VIT: variants seen among roughly 807,000 people sequenced by gnomAD.
VIT encodes the protein vitrin.
In VIT, 99 loss-of-function variants were observed where a neutral mutation model predicts 78.0. The observed-to-expected ratio is 1.27, with a 90% CI of 1.08 to 1.50. The LOEUF is 1.50. VIT is among the 40% of genes most tolerant of loss of function. The pLI, the probability that VIT is intolerant of heterozygous loss-of-function variation, is 0.00. For synonymous variants in VIT, 374 were observed against 334.3 expected, an observed-to-expected ratio of 1.12 and a Z score of -1.29; for missense variants, 1,126 against 875.3, an observed-to-expected ratio of 1.29 and a Z score of -3.61.
chr2:36,791,739 C>G (rs1280562891), intron 12 of VIT, among the ~76,000 whole-genome samples: 4 of 152,224 alleles, frequency 2.6e-5, no homozygotes, highest in Non-Finnish European at 4.4e-5. Context: ...TCCCTGGAGC[C>G]TCTAGAGAGG....
intron 3 of VIT, among the ~76,000 whole-genome samples, chr2:36,730,061 T>C (rs1337033665): frequency 6.6e-6 from 1 of 152,158 alleles, no homozygotes; most frequent in Non-Finnish European, 1.5e-5. Context: ...TTTGAGAGGC[T>C]GAGGCGGGCG....
intron 3 of VIT, among the ~76,000 whole-genome samples, chr2:36,736,667 A>G (rs916827193): frequency 4.6e-5 from 7 of 152,164 alleles, no homozygotes; most frequent in African/African-American, 1.7e-4. Flanking sequence ...GTAAGCATCA[A>G]TCTTGTATAA....
chr2:36,705,619 A>G (rs1160648735), intron 1 of VIT, among the ~76,000 whole-genome samples: 3 of 152,194 alleles, frequency 2.0e-5, no homozygotes, highest in Non-Finnish European at 4.4e-5. Context: ...ACCCCACCCA[A>G]CTGCCCATGA....
At chr2:36,789,469 T>A (rs759367629) in intron 12 of VIT, among the ~76,000 whole-genome samples, 2 of 152,198 alleles carry the variant, frequency 1.3e-5, no homozygotes, top group Non-Finnish European at 2.9e-5. Context: ...GACGAATTGA[T>A]GTGTTGCACA....
chr2:36,794,119 A>G (rs1462283768), intron 12 of VIT, among the ~76,000 whole-genome samples: 1 of 152,232 alleles, frequency 6.6e-6, no homozygotes, highest in African/African-American at 2.4e-5. Context: ...CATTTCTGAC[A>G]GGTGTTTGCT....
At chr2:36,791,811 C>T (rs939431045) in intron 12 of VIT, among the ~76,000 whole-genome samples, 10 of 152,184 alleles carry the variant, frequency 6.6e-5, no homozygotes, top group East Asian at 1.9e-4. Context: ...TTGGGACCTC[C>T]GGAACTCTCA....
chr2:36,759,052 T>G lies in VIT; in HGVS notation c.487+6T>G, dbSNP rs1668946762. ...AAGTCCAGCTGCCCAAGCAGGCAAG[T>G]GCTCACGTGTGATTGAATCTAAACC... On this transcript the variant is annotated splice_donor_region_variant and intron_variant, in intron 6 of 15. Transcript: ENST00000379242. 3 of 1,614,136 alleles carry G rather than the reference T, an allele frequency of 1.9e-6. No homozygotes were observed. The highest frequency in any genetic ancestry group is 2.5e-6 in the Non-Finnish European group (3 of 1,180,024).
intron 4 of VIT, among the ~76,000 whole-genome samples, chr2:36,744,110 G>A (rs1035238129): frequency 6.6e-6 from 1 of 152,154 alleles, no homozygotes; most frequent in African/African-American, 2.4e-5. Context: ...GCCTCCAGCT[G>A]CATGCATGTT....
intron 3 of VIT, among the ~76,000 whole-genome samples, chr2:36,730,995 G>A (rs1667168527): frequency 6.6e-6 from 1 of 152,142 alleles, no homozygotes; most frequent in South Asian, 2.1e-4. Context: ...ATAGGTGAAG[G>A]GTGGGGATCC....
chr2:36,793,533 G>A (rs1176819053), intron 12 of VIT, among the ~76,000 whole-genome samples: 1 of 152,174 alleles, frequency 6.6e-6, no homozygotes, highest in South Asian at 2.1e-4. Flanking sequence ...TCTGAACCAG[G>A]TAATACCCTC....
intron 2 of VIT, among the ~76,000 whole-genome samples, chr2:36,728,915 C>T (rs567637234): frequency 2.0e-5 from 3 of 151,610 alleles, no homozygotes; most frequent in South Asian, 2.1e-4. Context: ...CAGTAATATC[C>T]TAGGCCTTCA....
chr2:36,792,453 C>T (rs11674312), intron 12 of VIT, among the ~76,000 whole-genome samples: 1 of 151,308 alleles, frequency 6.6e-6, no homozygotes, highest in Non-Finnish European at 1.5e-5. Context: ...ATACAAACGA[C>T]TGCGCTTGAC....
intron 2 of VIT, among the ~76,000 whole-genome samples, chr2:36,717,930 G>A (rs1395505355): frequency 6.6e-6 from 1 of 152,172 alleles, no homozygotes. Flanking sequence ...TCTGTTCCAT[G>A]TCTCTCTCCT....
intron 4 of VIT, among the ~76,000 whole-genome samples, chr2:36,753,399 A>G (rs1302055351): frequency 1.3e-5 from 2 of 152,212 alleles, no homozygotes; most frequent in Non-Finnish European, 2.9e-5. Context: ...TTGGCTCTCA[A>G]AAGCAGGTGT....
intron 9 of VIT, among the ~76,000 whole-genome samples, chr2:36,778,949 T>A (rs1299951313): frequency 7.9e-5 from 12 of 152,214 alleles, no homozygotes; most frequent in African/African-American, 2.9e-4. Flanking sequence ...TTCTGTCTTA[T>A]AAAATTTGAG....
intron 7 of VIT, among the ~76,000 whole-genome samples, chr2:36,773,331 TTTC>T (rs1300173076): frequency 6.6e-6 from 1 of 152,106 alleles, no homozygotes; most frequent in Admixed American, 6.5e-5. Flanking sequence ...TTTTTTTTTT[TTTC>T]ATTTGAATTC....
Position 36,775,047 on chromosome 2 carries a change from T to A in VIT, c.782T>A (p.Val261Asp), listed in dbSNP as rs1312283652. Residue 261 changes from valine to aspartate, a missense_variant, in exon 9 of 16, where the codon GTT (valine) becomes GAT (aspartate). By Grantham distance (152) the Val-to-Asp change is radical. Coordinates refer to ENST00000379242, the MANE Select transcript of VIT (RefSeq NM_053276.4). ...DPSGAAFQKP[V>D]GADVSLGEMD... Reference sequence around the variant, plus strand: ...TCAGGAGCTGCCTTCCAGAAACCTGTTGGAGCGGATGTCAGCCTGGGTAAG... The same window carrying A: ...TCAGGAGCTGCCTTCCAGAAACCTGATGGAGCGGATGTCAGCCTGGGTAAG... 1 of 1,614,040 alleles carries A rather than the reference T, an allele frequency of 6.2e-7. No homozygotes were observed. Among genetic ancestry groups the A allele is most frequent in the South Asian group, 1.1e-5 (1 of 91,056 alleles).
intron 4 of VIT, among the ~76,000 whole-genome samples, chr2:36,750,735 C>T (rs1668409480): frequency 1.3e-5 from 2 of 151,524 alleles, no homozygotes; most frequent in Admixed American, 6.6e-5. Context: ...GCAGGAGAAT[C>T]GCTTGAACCT....
intron 12 of VIT, among the ~76,000 whole-genome samples, chr2:36,790,925 C>G (rs1485990581): frequency 6.6e-6 from 1 of 151,964 alleles, no homozygotes; most frequent in African/African-American, 2.4e-5. Context: ...GCCAGGCAAG[C>G]CATTAGGTGA....
Sources: gnomAD v4.1 joint callset for allele counts (sites outside exome capture counted in the v4.1 genomes callset) on GRCh38, gnomAD v4.1.1 for gene constraint, MANE v1.5 for transcripts, NCBI Gene and HGNC (gene_info 2026-07-23, HGNC 2026-07-21) for gene names.